AP3B1: variants seen among roughly 807,000 people sequenced by gnomAD.
The protein encoded by AP3B1 is AP-3 complex subunit beta-1.
Under a neutral mutation model 132.5 loss-of-function variants are expected in AP3B1, and 61 were observed. The ratio of observed to expected loss-of-function variants is 0.46; its 90% CI spans 0.37 to 0.57. The LOEUF (loss-of-function observed/expected upper bound fraction) is 0.57. Ranked by LOEUF, AP3B1 falls within the 20% of genes least tolerant of loss-of-function variation. AP3B1 has a pLI of 0.00. For missense variants in AP3B1, 1,120 were observed against 1,289.4 expected, an observed-to-expected ratio of 0.87 and a Z score of 2.01; for synonymous variants, 388 against 438.3, an observed-to-expected ratio of 0.89 and a Z score of 1.43.
intron 2 of AP3B1, among the ~76,000 whole-genome samples, chr5:78,262,873 T>A (rs1012077041): frequency 1.3e-5 from 2 of 150,870 alleles, no homozygotes; most frequent in Non-Finnish European, 3.0e-5. Context: ...TCTTGCCATG[T>A]AGTCTAGGCT....
rs202014438 is a variant in AP3B1, at chr5:78,162,807, C to G, written c.1363+12G>C. 1 of 1,613,366 alleles carries G rather than the reference C, an allele frequency of 6.2e-7. No individual in the cohort carries two copies. The highest frequency in any genetic ancestry group is 2.2e-5 in the East Asian group (1 of 44,870). On this transcript the variant is annotated intron_variant, in intron 13 of 26. Coordinates refer to ENST00000255194, the MANE Select transcript of AP3B1 (RefSeq NM_003664.5). ...TAAATCACCTGAAAATAAAATGAAA[C>G]TGTAAACTTACCATCCCTGTTGGAC...
intron 6 of AP3B1, among the ~76,000 whole-genome samples, chr5:78,217,388 G>A (rs1394650130): frequency 1.3e-5 from 2 of 152,074 alleles, no homozygotes; most frequent in African/African-American, 4.8e-5. Flanking sequence ...TAAACGTGAA[G>A]CTGCATTTAT....
At chr5:78,160,295 C>T (rs1251978756) in intron 13 of AP3B1, among the ~76,000 whole-genome samples, 1 of 152,050 alleles carries the variant, frequency 6.6e-6, no homozygotes, top group Non-Finnish European at 1.5e-5. Context: ...TCTTCTGCCC[C>T]AATCCTTTTA....
At chr5:78,267,445 T>TA (rs1554033957) in intron 2 of AP3B1, 75 bp downstream of exon 2, 1 of 577,600 alleles carries the variant, frequency 1.7e-6, no homozygotes, top group Admixed American at 3.6e-5. Flanking sequence ...TAACGTATTT[T>TA]TATATATATA....
At chr5:78,156,174 T>C (rs534436980) in intron 14 of AP3B1, 84 bp downstream of exon 14, 1 of 974,600 alleles carries the variant, frequency 1.0e-6, no homozygotes, top group East Asian at 2.4e-5. Flanking sequence ...CTCCTAACCA[T>C]TACCCTTTAG....
At chr5:78,141,947 C>A (rs746600330) in intron 14 of AP3B1, among the ~76,000 whole-genome samples, 7 of 152,138 alleles carry the variant, frequency 4.6e-5, no homozygotes, top group Non-Finnish European at 7.4e-5. Flanking sequence ...TGAGAACCCA[C>A]AGATAATACA....
chr5:78,132,119 A>C (rs1191045018), intron 15 of AP3B1, among the ~76,000 whole-genome samples: 2 of 152,134 alleles, frequency 1.3e-5, no homozygotes, highest in East Asian at 3.9e-4. Context: ...AGTTCGGTCA[A>C]ACTGTGTATA....
intron 2 of AP3B1, among the ~76,000 whole-genome samples, chr5:78,265,887 T>C (rs1748300723): frequency 6.6e-6 from 1 of 152,244 alleles, no homozygotes; most frequent in South Asian, 2.1e-4. Context: ...TTTTCATTTC[T>C]TTGCTGTATT....
At chr5:78,251,742 T>A (rs1438533932) in intron 2 of AP3B1, among the ~76,000 whole-genome samples, 1 of 152,022 alleles carries the variant, frequency 6.6e-6, no homozygotes, top group East Asian at 1.9e-4. Context: ...CAAGTAAACT[T>A]GAAAGACAGT....
chr5:78,046,967 T>A (rs1197471820), intron 22 of AP3B1, among the ~76,000 whole-genome samples: 1 of 152,170 alleles, frequency 6.6e-6, no homozygotes. Flanking sequence ...GGTTTTCTAT[T>A]CCTGTTAGTT....
At position 78,020,726 on chromosome 5, in the gene AP3B1, C is replaced by T. The variant is rs1747055000; in HGVS notation, c.2958G>A (p.Val986=). Residue 986 remains valine (V), a synonymous_variant, in exon 25 of 27, where the codon GTG becomes GTA. Coordinates refer to ENST00000255194, the MANE Select transcript of AP3B1 (RefSeq NM_003664.5). ...QPPVGELLLP[V]AMSEKDFKKE... ...TCTTAAAATCTTTCTCTGACATGGC[C>T]ACAGGTAAAAGCAGTTCTCCAACAG... is the stretch of plus-strand genomic sequence containing the variant. 1.2e-6 allele frequency: 2 copies of T among 1,612,594 alleles called. No individual in the cohort carries two copies. The highest frequency in any genetic ancestry group is 1.7e-6 in the Non-Finnish European group (2 of 1,179,220).
At chr5:78,041,627 A>C (rs572830815) in intron 22 of AP3B1, among the ~76,000 whole-genome samples, 3 of 151,856 alleles carry the variant, frequency 2.0e-5, no homozygotes, top group Non-Finnish European at 4.4e-5. Flanking sequence ...GTAAAATATA[A>C]TAAACAATTA....
In AP3B1 at chr5:78,267,506, A is replaced by T. The variant is rs893608632; in HGVS notation, c.204+14T>A. 2.6e-5 allele frequency: 41 copies of T among 1,579,394 alleles called. No individual in the cohort carries two copies. Among genetic ancestry groups the T allele is most frequent in the Non-Finnish European group, 3.4e-5 (39 of 1,151,552 alleles). ...CATTTTTCCAAAATTGAAGTAAATG[A>T]GTATTTTACCTACCCCAACAATCCG... On this transcript the variant is annotated intron_variant, in intron 2 of 26. Coordinates refer to ENST00000255194, the MANE Select transcript of AP3B1 (RefSeq NM_003664.5).
intron 26 of AP3B1, among the ~76,000 whole-genome samples, chr5:78,013,885 C>T (rs1048247886): frequency 6.6e-6 from 1 of 152,050 alleles, no homozygotes; most frequent in South Asian, 2.1e-4. Flanking sequence ...TGAAAGACAC[C>T]GGGCGCGGTG....
chr5:78,166,302 A>G (rs777816880), intron 11 of AP3B1, among the ~76,000 whole-genome samples: 27 of 152,220 alleles, frequency 1.8e-4, no homozygotes, highest in Non-Finnish European at 3.7e-4. Flanking sequence ...GGAGAATTCT[A>G]CATCTTCACT....
Position 78,121,566 on chromosome 5 carries a change from T to C in AP3B1, c.1969-5332A>G, listed in dbSNP as rs1417767595. On this transcript the variant is annotated intron_variant, in intron 17 of 26. Coordinates refer to ENST00000255194, the MANE Select transcript of AP3B1 (RefSeq NM_003664.5). ...CTACCATCAGAGAACACTACAAACA[T>C]CTCTACGCAAATAAACTAGAAAATC... Among the ~76,000 whole-genome samples the C allele has an allele frequency of 3.3e-5, 5 of 152,102 alleles. 1 individual carries two copies. Among genetic ancestry groups the C allele is most frequent in the African/African-American group, 1.2e-4 (5 of 41,498 alleles).
chr5:78,108,105 G>C (rs1751419670), intron 20 of AP3B1, among the ~76,000 whole-genome samples: 1 of 152,054 alleles, frequency 6.6e-6, no homozygotes, highest in Admixed American at 6.6e-5. Context: ...TAACTCCTAG[G>C]TCGCATTTTC....
chr5:78,080,623 ATTTTTTTT>A lies in AP3B1; in HGVS notation c.2577+8762_2577+8769del, dbSNP rs66609184. 7.8e-3 allele frequency among the ~76,000 whole-genome samples: 812 copies of A among 103,536 alleles called. 5 individuals carry two copies. Among genetic ancestry groups the A allele is most frequent in the African/African-American group, 0.025 (665 of 26,528 alleles). 67.9% of individuals were successfully genotyped at this position (103,536 alleles called of 152,430 possible). Reference sequence around the variant, plus strand: ...GAAATACCCACTGGGTATGCCTCCAATTTTTTTTTTTTTTTTTTTTTTTTTGCAAACAC... The same window carrying A: ...GAAATACCCACTGGGTATGCCTCCAATTTTTTTTTTTTTTTTTGCAAACAC... On this transcript the variant is annotated intron_variant, in intron 22 of 26. Transcript: ENST00000255194.
intron 24 of AP3B1, among the ~76,000 whole-genome samples, chr5:78,024,027 A>G (rs533536400): frequency 1.3e-5 from 2 of 152,298 alleles, no homozygotes; most frequent in South Asian, 4.2e-4. Context: ...GAGCACAAGA[A>G]TGAGGTGAGC....
Sources: gnomAD v4.1 joint callset for allele counts (sites outside exome capture counted in the v4.1 genomes callset) on GRCh38, gnomAD v4.1.1 for gene constraint, MANE v1.5 for transcripts, NCBI Gene and HGNC (gene_info 2026-07-23, HGNC 2026-07-21) for gene names.